TRAF3IP2: variants seen among roughly 807,000 people sequenced by gnomAD.
TRAF3IP2 encodes E3 ubiquitin ligase TRAF3IP2.
TRAF3IP2 carries 35 observed loss-of-function variants against 57.9 expected under a neutral mutation model. That is an observed-to-expected ratio of 0.60 (90% CI 0.46 to 0.80). The LOEUF (loss-of-function observed/expected upper bound fraction) is 0.80, where lower values mean the gene tolerates loss of function less well. TRAF3IP2 is among the 30% of genes least tolerant of loss of function. The probability of loss-of-function intolerance (pLI) is 0.00; values close to 1 mark genes in which losing one functional copy is unlikely to be tolerated. For missense variants in TRAF3IP2, 556 were observed against 706.4 expected, an observed-to-expected ratio of 0.79 and a Z score of 2.41; for synonymous variants, 251 against 268.9, an observed-to-expected ratio of 0.93 and a Z score of 0.65.
chr6:111,593,943 T>C (rs1310278561), intron 1 of TRAF3IP2, among the ~76,000 whole-genome samples: 6 of 152,004 alleles, frequency 3.9e-5, no homozygotes, highest in African/African-American at 1.4e-4. Flanking sequence ...CTAGCCTGGC[T>C]AACATGGCAA....
intron 2 of TRAF3IP2, among the ~76,000 whole-genome samples, chr6:111,587,518 G>T (rs1158824841): frequency 6.6e-6 from 1 of 151,950 alleles, no homozygotes; most frequent in Admixed American, 6.6e-5. Flanking sequence ...GCCTCCCAAG[G>T]TGTTGGGATT....
intron 7 of TRAF3IP2, among the ~76,000 whole-genome samples, chr6:111,566,019 CA>C (rs1301461794): frequency 3.9e-5 from 6 of 152,156 alleles, no homozygotes; most frequent in African/African-American, 1.4e-4. Flanking sequence ...CATGATGCAA[CA>C]GCAGGTGTCC....
At chr6:111,600,316 T>C (rs2128385971) in intron 1 of TRAF3IP2, 2 of 152,356 alleles carry the variant, frequency 1.3e-5, no homozygotes, top group East Asian at 3.9e-4. Flanking sequence ...AACAAACGTG[T>C]ATATATGAGT....
At chr6:111,601,071 A>G (rs964919983) in intron 1 of TRAF3IP2, 6 of 593,358 alleles carry the variant, frequency 1.0e-5, no homozygotes, top group Middle Eastern at 4.7e-4. Context: ...GATCCTGTGC[A>G]CTTAACCGCT....
At chr6:111,576,963 C>G (rs1270583922) in intron 3 of TRAF3IP2, 1 of 152,018 alleles carries the variant, frequency 6.6e-6, no homozygotes, top group Non-Finnish European at 1.5e-5. Flanking sequence ...AAGGAGTAAT[C>G]AGGAATTCTA....
At chr6:111,570,868 A>G (rs984325965) in intron 5 of TRAF3IP2, among the ~76,000 whole-genome samples, 50 of 146,812 alleles carry the variant, frequency 3.4e-4, no homozygotes, top group Admixed American at 3.4e-3. Flanking sequence ...ACCCAGTGTA[A>G]TTTGATTTTA....
chr6:111,584,511 A>C (rs530787704), intron 2 of TRAF3IP2, among the ~76,000 whole-genome samples: 1 of 152,064 alleles, frequency 6.6e-6, no homozygotes, highest in Admixed American at 6.5e-5. Flanking sequence ...TTGTATGGAA[A>C]AGGTTCCTAA....
intron 7 of TRAF3IP2, among the ~76,000 whole-genome samples, chr6:111,564,360 C>T (rs780082514): frequency 5.3e-5 from 8 of 152,196 alleles, no homozygotes; most frequent in Non-Finnish European, 8.8e-5. Flanking sequence ...GCATAAGTTA[C>T]AAGTGAAGCA....
Position 111,556,161 on chromosome 6 carries a change from C to A in TRAF3IP2, c.*3244G>T, listed in dbSNP as rs1345079532. On this transcript the variant is annotated 3_prime_UTR_variant, in exon 9 of 9. Coordinates refer to ENST00000368761, the MANE Select transcript of TRAF3IP2 (RefSeq NM_147686.4). Reference sequence around the variant, plus strand: ...TGGTCATCGGATCTCATAGAAATTTCAGGGGCCAAGCTTTTGTCACTTGGC... The same window carrying A: ...TGGTCATCGGATCTCATAGAAATTTAAGGGGCCAAGCTTTTGTCACTTGGC... Among the ~76,000 whole-genome samples the A allele has an allele frequency of 7.3e-5, 11 of 150,622 alleles. No individual in the cohort carries two copies. In the South Asian group the frequency reaches 1.7e-3, roughly 23 times the overall value.
chr6:111,561,002 T>C (rs1562416672), intron 8 of TRAF3IP2, among the ~76,000 whole-genome samples: 1 of 152,092 alleles, frequency 6.6e-6, no homozygotes, highest in Non-Finnish European at 1.5e-5. Flanking sequence ...GCCAACATGG[T>C]GAAACCCTGT....
chr6:111,582,427 C>T (rs1485188536), intron 2 of TRAF3IP2, among the ~76,000 whole-genome samples: 2 of 152,156 alleles, frequency 1.3e-5, no homozygotes, highest in Non-Finnish European at 2.9e-5. Flanking sequence ...TCTATCCCTG[C>T]ACCTGGATGA....
At chr6:111,603,596 AC>A (rs1327562882) in intron 1 of TRAF3IP2, among the ~76,000 whole-genome samples, 2 of 152,226 alleles carry the variant, frequency 1.3e-5, no homozygotes, top group African/African-American at 4.8e-5. Context: ...ATTTAGACAA[AC>A]TACCCCACCA....
At position 111,575,663 on chromosome 6, in the gene TRAF3IP2, C is replaced by G; in HGVS notation, c.1181G>C (p.Ser394Thr). 1 of 1,609,672 alleles carries G rather than the reference C, an allele frequency of 6.2e-7. No individual in the cohort carries two copies. Among genetic ancestry groups the G allele is most frequent in the Non-Finnish European group, 8.5e-7 (1 of 1,178,226 alleles). Residue 394 changes from serine to threonine, a missense_variant, in exon 4 of 9, where the codon AGC becomes ACC. Transcript: ENST00000368761. ...CTTACGCAATTCTTCTGGCAAATTGCTTGTTTTTAGAGTTCCTCTGGCTGG... is the reference window on the plus strand; with the variant it reads ...CTTACGCAATTCTTCTGGCAAATTGGTTGTTTTTAGAGTTCCTCTGGCTGG... ...NPPARGTLKT[S>T]NLPEELRKVF...
chr6:111,558,190 T>C lies in TRAF3IP2; in HGVS notation c.*1215A>G, dbSNP rs1369406033. The C allele has an allele frequency of 6.6e-6, 1 of 152,158 alleles. No homozygotes were observed. Among genetic ancestry groups the C allele is most frequent in the Non-Finnish European group, 1.5e-5 (1 of 68,038 alleles). The allele number at this position is 152,158 out of a possible 1,614,324, so 9.4% of individuals were successfully genotyped here. ...ATTAGAGATGCTTTTGTCCATGTCA[T>C]TTTATAAATGAGTCCCTGGAATCTA... On this transcript the variant is annotated 3_prime_UTR_variant, in exon 9 of 9. Coordinates refer to ENST00000368761, the MANE Select transcript of TRAF3IP2 (RefSeq NM_147686.4).
intron 1 of TRAF3IP2, chr6:111,597,891 C>T: frequency 2.2e-6 from 1 of 456,012 alleles, no homozygotes; most frequent in Non-Finnish European, 4.4e-6. Flanking sequence ...GCTCCAGTCT[C>T]TACCAGAGGG....
chr6:111,585,842 C>CAAT (rs1374465860), intron 2 of TRAF3IP2, among the ~76,000 whole-genome samples: 1 of 152,176 alleles, frequency 6.6e-6, no homozygotes, highest in Non-Finnish European at 1.5e-5. Flanking sequence ...CAAATGGGCG[C>CAAT]CCAGGACTGT....
intron 3 of TRAF3IP2, among the ~76,000 whole-genome samples, chr6:111,579,006 A>G (rs1796077872): frequency 6.6e-6 from 1 of 152,154 alleles, no homozygotes; most frequent in Non-Finnish European, 1.5e-5. Context: ...ATTAAGAGAA[A>G]AGGAAAGTCC....
Position 111,566,498 on chromosome 6 carries a change from C to T in TRAF3IP2, c.1422G>A (p.Glu474=). ...PKYKQDVEGA[E]SQLDEDEHGL... ...CATGCTCATCCTCGTCCAGCTGCGA[C>T]TCAGCGCCTTCCACGTCCTGTTTGT... The change falls in exon 7 of 9, where the codon GAG becomes GAA. Residue 474 remains glutamate (E), a synonymous_variant. Coordinates refer to ENST00000368761, the MANE Select transcript of TRAF3IP2 (RefSeq NM_147686.4). 6.2e-7 allele frequency: 1 copy of T among 1,614,200 alleles called. No individual in the cohort carries two copies. The highest frequency in any genetic ancestry group is 8.5e-7 in the Non-Finnish European group (1 of 1,180,020).
chr6:111,569,478 G>T (rs568808346), intron 5 of TRAF3IP2, among the ~76,000 whole-genome samples: 2 of 152,238 alleles, frequency 1.3e-5, no homozygotes, highest in Non-Finnish European at 2.9e-5. Flanking sequence ...TTGGCCGGGC[G>T]TGGTGGCTCA....
Sources: gnomAD v4.1 joint callset for allele counts (sites outside exome capture counted in the v4.1 genomes callset) on GRCh38, gnomAD v4.1.1 for gene constraint, MANE v1.5 for transcripts, NCBI Gene and HGNC (gene_info 2026-07-23, HGNC 2026-07-21) for gene names.